Variants in CEP63 observed in about 807,000 individuals in gnomAD.
CEP63 encodes centrosomal protein of 63 kDa.
In CEP63, 84 loss-of-function variants were observed where a neutral mutation model predicts 89.1. That is an observed-to-expected ratio of 0.94 (90% CI 0.79 to 1.13). The LOEUF (loss-of-function observed/expected upper bound fraction) is 1.13, where lower values mean the gene tolerates loss of function less well. CEP63 is among the 50% of genes most tolerant of loss of function. The probability of loss-of-function intolerance (pLI) is 0.00; values close to 1 mark genes in which losing one functional copy is unlikely to be tolerated. For missense variants in CEP63, 838 were observed against 813.3 expected, an observed-to-expected ratio of 1.03 and a Z score of -0.37; for synonymous variants, 267 against 272.5, an observed-to-expected ratio of 0.98 and a Z score of 0.20.
chr3:134,696,438 C>T, the CEP63 span, among the ~76,000 whole-genome samples: 1 of 152,308 alleles, frequency 6.6e-6, no homozygotes, highest in East Asian at 1.9e-4. Context: ...GCCTGTTGTA[C>T]TTCTGGACAA....
chr3:134,524,587 T>C (rs1373582647), intron 3 of CEP63, among the ~76,000 whole-genome samples: 1 of 152,184 alleles, frequency 6.6e-6, no homozygotes, highest in African/African-American at 2.4e-5. Context: ...GTTTTTAACA[T>C]GGAAGGGTGT....
At chr3:134,603,535 G>T in the CEP63 span, 2 of 1,522,306 alleles carry the variant, frequency 1.3e-6, no homozygotes, top group Non-Finnish European at 1.8e-6. Flanking sequence ...CCCTGGGGAG[G>T]TCTGGCCTTG....
At chr3:134,696,979 T>C in the CEP63 span, among the ~76,000 whole-genome samples, 2 of 152,220 alleles carry the variant, frequency 1.3e-5, no homozygotes, top group Admixed American at 6.5e-5. Flanking sequence ...GAAGTAAAAC[T>C]ATGAACGTTG....
intron 12 of CEP63, chr3:134,553,460 C>G (rs1168192890): frequency 2.0e-5 from 3 of 151,762 alleles, no homozygotes; most frequent in Non-Finnish European, 4.4e-5. Flanking sequence ...TAAAAATTCC[C>G]TACAAAGATA....
the CEP63 span, among the ~76,000 whole-genome samples, chr3:134,747,605 T>C: frequency 2.0e-5 from 3 of 152,332 alleles, no homozygotes; most frequent in South Asian, 2.1e-4. Flanking sequence ...CCACCTTTAG[T>C]GCACCTTGTC....
At chr3:134,724,314 G>T in the CEP63 span, among the ~76,000 whole-genome samples, 1 of 152,182 alleles carries the variant, frequency 6.6e-6, no homozygotes, top group African/African-American at 2.4e-5. Flanking sequence ...CATTAGAATG[G>T]CCAAAGGCTT....
At chr3:134,500,578 C>G (rs1355394310) in intron 2 of CEP63, among the ~76,000 whole-genome samples, 2 of 152,212 alleles carry the variant, frequency 1.3e-5, no homozygotes, top group Non-Finnish European at 2.9e-5. Flanking sequence ...GTTGCCTTTT[C>G]TCCACCGCCT....
intron 2 of CEP63, among the ~76,000 whole-genome samples, chr3:134,506,291 G>A (rs2108393330): frequency 6.6e-6 from 1 of 152,264 alleles, no homozygotes; most frequent in South Asian, 2.1e-4. Flanking sequence ...CAGAAAGGTG[G>A]GCAGAAATAG....
chr3:134,576,561 C>T (rs1338047341), downstream of CEP63, among the ~76,000 whole-genome samples: 1 of 152,218 alleles, frequency 6.6e-6, no homozygotes, highest in Non-Finnish European at 1.5e-5. Context: ...GAGGTAGGGC[C>T]TCAAAGCCAG....
chr3:134,705,505 T>C, the CEP63 span, among the ~76,000 whole-genome samples: 1 of 152,232 alleles, frequency 6.6e-6, no homozygotes, highest in Non-Finnish European at 1.5e-5. Flanking sequence ...TATGTTTCCA[T>C]TGAGAATCAA....
chr3:134,560,593 C>T (rs1026894245), intron 14 of CEP63, among the ~76,000 whole-genome samples: 1 of 151,972 alleles, frequency 6.6e-6, no homozygotes, highest in African/African-American at 2.4e-5. Context: ...TGAATCCCAG[C>T]TTCAGCACCA....
At chr3:134,501,441 A>G (rs1293654359) in intron 2 of CEP63, among the ~76,000 whole-genome samples, 1 of 152,202 alleles carries the variant, frequency 6.6e-6, no homozygotes, top group Non-Finnish European at 1.5e-5. Context: ...TTTTAACTGT[A>G]TAAATTCTTC....
chr3:134,649,781 C>T, the CEP63 span, among the ~76,000 whole-genome samples: 3 of 152,242 alleles, frequency 2.0e-5, no homozygotes. Flanking sequence ...CCATCCACAG[C>T]AGCATTACTT....
intron 3 of CEP63, among the ~76,000 whole-genome samples, chr3:134,509,209 G>C (rs1944262405): frequency 6.6e-6 from 1 of 152,164 alleles, no homozygotes; most frequent in Non-Finnish European, 1.5e-5. Context: ...GAGGCCCCAG[G>C]AAACTTTCAG....
intron 6 of CEP63, among the ~76,000 whole-genome samples, chr3:134,542,786 G>A (rs1002358733): frequency 2.6e-5 from 4 of 152,068 alleles, no homozygotes; most frequent in African/African-American, 9.7e-5. Flanking sequence ...CAGTCTCCCT[G>A]ATGTAAACTG....
At chr3:134,612,796 T>TGTGTGTG in the CEP63 span, among the ~76,000 whole-genome samples, 89 of 149,020 alleles carry the variant, frequency 6.0e-4, no homozygotes, top group Non-Finnish European at 8.5e-4. Context: ...TGTGTGTGTG[T>TGTGTGTG]TGCCTGCATG....
the CEP63 span, among the ~76,000 whole-genome samples, chr3:134,701,363 C>CGT: frequency 6.4e-4 from 10 of 15,612 alleles, 1 homozygote; most frequent in African/African-American, 7.9e-4. Flanking sequence ...TGTATATATA[C>CGT]ATATACACAC....
At chr3:134,760,169 C>T in the CEP63 span, among the ~76,000 whole-genome samples, 1 of 151,342 alleles carries the variant, frequency 6.6e-6, no homozygotes, top group Non-Finnish European at 1.5e-5. Context: ...CGCCATTCTC[C>T]TGCCTCAGCC....
the CEP63 span, among the ~76,000 whole-genome samples, chr3:134,605,726 C>T: frequency 6.6e-6 from 1 of 151,996 alleles, no homozygotes; most frequent in African/African-American, 2.4e-5. Context: ...GCAGTGACTT[C>T]CCTCTGCCCC....
Sources: gnomAD v4.1 joint callset for allele counts (sites outside exome capture counted in the v4.1 genomes callset) on GRCh38, gnomAD v4.1.1 for gene constraint, MANE v1.5 for transcripts, NCBI Gene and HGNC (gene_info 2026-07-23, HGNC 2026-07-21) for gene names.